Variants in REDIC1 observed in about 807,000 individuals in gnomAD.
REDIC1 encodes the protein regulator of DNA class I crossover intermediates 1.
At chr12:39,641,424 C>A in the REDIC1 span, among the ~76,000 whole-genome samples, 1 of 151,600 alleles carries the variant, frequency 6.6e-6, no homozygotes, top group East Asian at 1.9e-4. Flanking sequence ...TGTACATGTG[C>A]CCTTTTGGAT....
chr12:39,845,584 T>A, the REDIC1 span, among the ~76,000 whole-genome samples: 1 of 152,002 alleles, frequency 6.6e-6, no homozygotes, highest in East Asian at 1.9e-4. Flanking sequence ...TACTGAAGGG[T>A]GAAAGAAACA....
the REDIC1 span, among the ~76,000 whole-genome samples, chr12:39,707,961 A>G: frequency 6.6e-6 from 1 of 151,828 alleles, no homozygotes; most frequent in Non-Finnish European, 1.5e-5. Flanking sequence ...AATCAAAGCA[A>G]TTGAACTCAT....
chr12:39,814,235 C>T, the REDIC1 span, among the ~76,000 whole-genome samples: 106,424 of 152,010 alleles, frequency 0.7, 37,701 homozygotes, highest in African/African-American at 0.8. Context: ...TTTACCTCCC[C>T]AGGAAATGAG....
At chr12:39,648,073 A>G in the REDIC1 span, 1 of 857,380 alleles carries the variant, frequency 1.2e-6, no homozygotes, top group East Asian at 3.2e-5. Flanking sequence ...TACATTTTGA[A>G]TTGCTATACA....
the REDIC1 span, among the ~76,000 whole-genome samples, chr12:39,815,956 G>A: frequency 2.0e-5 from 3 of 152,114 alleles, no homozygotes; most frequent in Non-Finnish European, 2.9e-5. Context: ...TTTCTGTTCT[G>A]AGTATACATT....
chr12:39,724,372 T>A, the REDIC1 span, among the ~76,000 whole-genome samples: 1 of 152,168 alleles, frequency 6.6e-6, no homozygotes, highest in Non-Finnish European at 1.5e-5. Flanking sequence ...TGTAGAGTGA[T>A]GTCTGTGCCC....
chr12:39,672,034 G>T, the REDIC1 span, among the ~76,000 whole-genome samples: 1 of 152,156 alleles, frequency 6.6e-6, no homozygotes, highest in Non-Finnish European at 1.5e-5. Context: ...CACAGGCTAT[G>T]GTGGGTGGGG....
the REDIC1 span, among the ~76,000 whole-genome samples, chr12:39,711,094 C>A: frequency 6.6e-6 from 1 of 151,430 alleles, no homozygotes; most frequent in African/African-American, 2.4e-5. Flanking sequence ...ATACTTATGA[C>A]TTTGCATCTT....
At chr12:39,699,062 A>G in the REDIC1 span, among the ~76,000 whole-genome samples, 1 of 152,222 alleles carries the variant, frequency 6.6e-6, no homozygotes, top group South Asian at 2.1e-4. Context: ...TGGTTTTTGA[A>G]AAATTAAACA....
the REDIC1 span, among the ~76,000 whole-genome samples, chr12:39,770,542 C>G: frequency 0.047 from 7,105 of 152,196 alleles, 582 homozygotes; most frequent in African/African-American, 0.16. Context: ...TTAGCGGGCA[C>G]TGGCATGGTC....
chr12:39,781,071 T>A, the REDIC1 span, among the ~76,000 whole-genome samples: 1 of 152,208 alleles, frequency 6.6e-6, no homozygotes, highest in East Asian at 1.9e-4. Context: ...CTTCACAGAT[T>A]AAGCATTTTA....
chr12:39,844,084 TA>T, the REDIC1 span, among the ~76,000 whole-genome samples: 1 of 152,042 alleles, frequency 6.6e-6, no homozygotes, highest in East Asian at 1.9e-4. Context: ...CTCCTTTACA[TA>T]AGCCTTACTT....
At chr12:39,777,456 A>G in the REDIC1 span, among the ~76,000 whole-genome samples, 1 of 152,318 alleles carries the variant, frequency 6.6e-6, no homozygotes, top group East Asian at 1.9e-4. Flanking sequence ...AATGATATGG[A>G]AGGGAAGTGC....
chr12:39,805,057 A>AGG, the REDIC1 span, among the ~76,000 whole-genome samples: 36 of 151,996 alleles, frequency 2.4e-4, 1 homozygote, highest in Non-Finnish European at 3.1e-4. Flanking sequence ...AGCCTGCTGG[A>AGG]GAGAGAAGCC....
At chr12:39,757,774 T>C in the REDIC1 span, 100 of 152,314 alleles carry the variant, frequency 6.6e-4, 1 homozygote, top group African/African-American at 2.2e-3. Context: ...TGTTCTGCTT[T>C]AGGAAATAAC....
the REDIC1 span, among the ~76,000 whole-genome samples, chr12:39,734,930 C>G: frequency 1.3e-5 from 2 of 152,168 alleles, no homozygotes; most frequent in Non-Finnish European, 2.9e-5. Flanking sequence ...TGGAGAAGAA[C>G]TGATATCTTA....
At chr12:39,838,908 C>A in the REDIC1 span, among the ~76,000 whole-genome samples, 2 of 152,044 alleles carry the variant, frequency 1.3e-5, no homozygotes, top group Admixed American at 1.3e-4. Context: ...AGTGTTTGAT[C>A]TTAAAATGCC....
At chr12:39,858,688 C>T in the REDIC1 span, among the ~76,000 whole-genome samples, 1 of 152,150 alleles carries the variant, frequency 6.6e-6, no homozygotes, top group Non-Finnish European at 1.5e-5. Context: ...CTCACTGCAA[C>T]CTCCGCCTCC....
At chr12:39,803,432 G>A in the REDIC1 span, among the ~76,000 whole-genome samples, 5 of 151,980 alleles carry the variant, frequency 3.3e-5, no homozygotes, top group East Asian at 9.7e-4. Context: ...TATCACTTAG[G>A]AGCAAAAATA....
Sources: gnomAD v4.1 joint callset for allele counts (sites outside exome capture counted in the v4.1 genomes callset) on GRCh38, gnomAD v4.1.1 for gene constraint, MANE v1.5 for transcripts, NCBI Gene and HGNC (gene_info 2026-07-23, HGNC 2026-07-21) for gene names.